SRGAP3: variants seen among roughly 807,000 people sequenced by gnomAD.
The protein encoded by SRGAP3 is SLIT-ROBO Rho GTPase-activating protein 3.
Under a neutral mutation model 121.1 loss-of-function variants are expected in SRGAP3, and 39 were observed. The ratio of observed to expected loss-of-function variants is 0.32; its 90% CI spans 0.25 to 0.42. The LOEUF (loss-of-function observed/expected upper bound fraction) is 0.42, where lower values mean the gene tolerates loss of function less well. Ranked by LOEUF, SRGAP3 falls within the 10% of genes least tolerant of loss-of-function variation. The pLI is 1.00. For synonymous variants in SRGAP3, 601 were observed against 570.0 expected (o/e 1.05, Z -0.77); for missense variants, 1,213 against 1,470.6 (o/e 0.82, Z 2.86).
rs1175610484 is a variant in SRGAP3, at chr3:8,983,430, C to G, written c.*2089G>C. ...TCCACTGTGGGGTGTCAAGTCCAGT[C>G]CTTCAGACGAGGTAGTGGCTTTACC... On this transcript the variant is annotated 3_prime_UTR_variant, in exon 22 of 22. Coordinates refer to ENST00000383836, the MANE Select transcript of SRGAP3 (RefSeq NM_014850.4). 5.7e-5 allele frequency: 13 copies of G among 229,604 alleles called. No homozygotes were observed. In the Admixed American group the frequency reaches 7.4e-4, roughly 13 times the overall value. 14.2% of individuals were successfully genotyped at this position (229,604 alleles called of 1,614,324 possible).
In SRGAP3 at chr3:8,981,161, G is replaced by A. The variant is rs999807712; in HGVS notation, c.*4358C>T. ...ACCTGACAGCAAAGTCCCTTCTCTC[G>A]GCTCCCCTGGGCAGCTTTGGATATG... On this transcript the variant is annotated 3_prime_UTR_variant, in exon 22 of 22. Coordinates refer to ENST00000383836, the MANE Select transcript of SRGAP3 (RefSeq NM_014850.4). The A allele has an allele frequency of 2.6e-5, 6 of 232,908 alleles. No homozygotes were observed. The highest frequency in any genetic ancestry group is 4.4e-5 in the African/African-American group (2 of 45,320). 14.4% of individuals were successfully genotyped at this position (232,908 alleles called of 1,614,324 possible). A position where few individuals can be genotyped will look rare whatever the true frequency, so the allele number is the denominator to read the frequency against.
intron 1 of SRGAP3, among the ~76,000 whole-genome samples, chr3:9,134,377 C>G (rs1187311439): frequency 1.3e-5 from 2 of 152,162 alleles, no homozygotes; most frequent in Admixed American, 1.3e-4. Flanking sequence ...ACAGGGGCAG[C>G]TGGTACCTTC....
intron 7 of SRGAP3, among the ~76,000 whole-genome samples, chr3:9,057,434 G>C (rs527338568): frequency 6.6e-6 from 1 of 152,246 alleles, no homozygotes; most frequent in Middle Eastern, 3.2e-3. Context: ...GTGATGGATC[G>C]GGAGGACTGA....
At chr3:9,143,344 TAGTGC>T (rs1468741987) in intron 1 of SRGAP3, among the ~76,000 whole-genome samples, 1 of 152,180 alleles carries the variant, frequency 6.6e-6, no homozygotes, top group Admixed American at 6.5e-5. Flanking sequence ...GTGGGTTGCC[TAGTGC>T]AGTCTGCTCT....
At chr3:9,021,546 T>C (rs1943922036) in intron 14 of SRGAP3, among the ~76,000 whole-genome samples, 2 of 151,682 alleles carry the variant, frequency 1.3e-5, no homozygotes, top group Non-Finnish European at 1.5e-5. Flanking sequence ...TTGACTCATA[T>C]GAGAAGGAAA....
chr3:9,350,269 A>G (rs2030054187), intron 1 of SRGAP3, among the ~76,000 whole-genome samples: 1 of 152,250 alleles, frequency 6.6e-6, no homozygotes, highest in Non-Finnish European at 1.5e-5. Flanking sequence ...ATTTTTGTAG[A>G]GAACAAAACA....
rs553933446 is a variant in SRGAP3, at chr3:9,090,829, T to G, written c.424-10742A>C. On this transcript the variant is annotated intron_variant, in intron 3 of 21. Coordinates refer to ENST00000383836, the MANE Select transcript of SRGAP3 (RefSeq NM_014850.4). ...TTTTTGTATTTTTAGTAGAGACAGG[T>G]TTTCACCATGTTGGCCAGGCTGGTC... Among the ~76,000 whole-genome samples, 436 of 152,030 alleles carry G rather than the reference T, an allele frequency of 2.9e-3. 1 individual carries two copies. Among genetic ancestry groups the G allele is most frequent in the South Asian group, 0.024 (115 of 4,798 alleles).
intron 4 of SRGAP3, among the ~76,000 whole-genome samples, chr3:9,066,903 A>C (rs933902788): frequency 6.6e-6 from 1 of 152,322 alleles, no homozygotes; most frequent in East Asian, 1.9e-4. Flanking sequence ...AGATCATGGA[A>C]GGTAAGAATA....
chr3:9,246,841 T>G (rs527871459), intron 1 of SRGAP3, among the ~76,000 whole-genome samples: 1 of 152,308 alleles, frequency 6.6e-6, no homozygotes, highest in South Asian at 2.1e-4. Flanking sequence ...AAATTTAGTA[T>G]TTGGAAGAGA....
At chr3:9,359,464 G>C (rs978286894) in intron 1 of SRGAP3, among the ~76,000 whole-genome samples, 3 of 152,130 alleles carry the variant, frequency 2.0e-5, no homozygotes, top group African/African-American at 7.2e-5. Context: ...TTGAAGCATG[G>C]ACAACCATGC....
chr3:9,284,137 A>T, intron 3 of SRGAP3, among the ~76,000 whole-genome samples: 1 of 114,274 alleles, frequency 8.8e-6, no homozygotes, highest in South Asian at 3.0e-4. Flanking sequence ...GTGTTTAATA[A>T]AAAAAAAAAG....
chr3:9,085,635 A>G (rs1947431507), intron 3 of SRGAP3, among the ~76,000 whole-genome samples: 1 of 152,234 alleles, frequency 6.6e-6, no homozygotes, highest in Non-Finnish European at 1.5e-5. Flanking sequence ...TGCAGCCATA[A>G]AAAAGAATGA....
chr3:9,066,235 C>T (rs1375153740), intron 4 of SRGAP3, among the ~76,000 whole-genome samples: 1 of 152,162 alleles, frequency 6.6e-6, no homozygotes, highest in East Asian at 1.9e-4. Flanking sequence ...TCTGCAATGC[C>T]AAGTGTATGA....
chr3:9,096,099 A>AAAAAAC (rs767805173), intron 3 of SRGAP3, among the ~76,000 whole-genome samples: 41 of 152,172 alleles, frequency 2.7e-4, no homozygotes, highest in Admixed American at 8.5e-4. Flanking sequence ...AACAAAACAC[A>AAAAAAC]AAAAACAAAA....
At chr3:9,310,121 C>T (rs1955217960) in intron 3 of SRGAP3, among the ~76,000 whole-genome samples, 1 of 152,158 alleles carries the variant, frequency 6.6e-6, no homozygotes, top group African/African-American at 2.4e-5. Context: ...AGTTACTTCT[C>T]TGAGCTCATT....
intron 1 of SRGAP3, among the ~76,000 whole-genome samples, chr3:9,178,604 T>G (rs1182369129): frequency 6.6e-6 from 1 of 152,266 alleles, no homozygotes; most frequent in East Asian, 1.9e-4. Flanking sequence ...GAATCAATCA[T>G]CCAACTTCAC....
At chr3:9,332,112 T>C (rs1955618920) in intron 1 of SRGAP3, among the ~76,000 whole-genome samples, 1 of 135,324 alleles carries the variant, frequency 7.4e-6, no homozygotes, top group South Asian at 2.7e-4. Flanking sequence ...GCCCTTTCAT[T>C]GAGGTTATTA....
Position 8,981,108 on chromosome 3 carries a change from C to T in SRGAP3, c.*4411G>A. ...GAGGGACAGCAGGACACTGGCAGAT[C>T]AATCTCAGGGAGGTCAGGAGGGCTT... On this transcript the variant is annotated 3_prime_UTR_variant, in exon 22 of 22. Coordinates refer to ENST00000383836, the MANE Select transcript of SRGAP3 (RefSeq NM_014850.4). 4.3e-6 allele frequency: 1 copy of T among 233,150 alleles called. No individual in the cohort carries two copies. The allele number at this position is 233,150 out of a possible 1,614,324, so 14.4% of individuals were successfully genotyped here.
chr3:9,331,748 C>G (rs1164032982), intron 1 of SRGAP3, among the ~76,000 whole-genome samples: 2 of 152,130 alleles, frequency 1.3e-5, no homozygotes, highest in African/African-American at 4.8e-5. Flanking sequence ...AACCCCTGTC[C>G]AAGACCACCA....
Sources: allele counts gnomAD v4.1 joint callset (sites outside exome capture counted in the v4.1 genomes callset), GRCh38; gene constraint gnomAD v4.1.1; transcripts MANE v1.5; gene names NCBI Gene and HGNC (gene_info 2026-07-23, HGNC 2026-07-21).